SETD7: variants seen among roughly 807,000 people sequenced by gnomAD.
SETD7 encodes SET domain containing 7, histone lysine methyltransferase, also known as histone-lysine N-methyltransferase SETD7.
In SETD7, 16 loss-of-function variants were observed where a neutral mutation model predicts 41.8. That is an observed-to-expected ratio of 0.38 (90% CI 0.26 to 0.58). The LOEUF (loss-of-function observed/expected upper bound fraction) is 0.58. SETD7 is among the 20% of genes least tolerant of loss of function. The pLI is 0.64. For synonymous variants in SETD7, 163 were observed against 169.7 expected (o/e 0.96, Z 0.31); for missense variants, 346 against 459.7 (o/e 0.75, Z 2.26).
chr4:139,522,092 T>C (rs1727192162), intron 5 of SETD7, among the ~76,000 whole-genome samples: 1 of 152,244 alleles, frequency 6.6e-6, no homozygotes, highest in African/African-American at 2.4e-5. Flanking sequence ...GCTATGGTCT[T>C]GTGTTTCGGA....
Position 139,553,926 on chromosome 4 carries a change from A to G in SETD7, c.40+2172T>C, listed in dbSNP as rs1428904079. 2.0e-5 allele frequency among the ~76,000 whole-genome samples: 3 copies of G among 152,312 alleles called. No homozygotes were observed. In the East Asian group the frequency reaches 5.8e-4, roughly 29 times the overall value. ...TGTAAAGACTATTGCAAACAGCACT[A>G]AAAAGGCCAAGAATGGCTGGACAAG... is the stretch of plus-strand genomic sequence containing the variant. On this transcript the variant is annotated intron_variant, in intron 1 of 7. Coordinates refer to ENST00000274031, the MANE Select transcript of SETD7 (RefSeq NM_030648.4).
At chr4:139,498,875 C>G (rs1290727464) in intron 7 of SETD7, among the ~76,000 whole-genome samples, 1 of 152,200 alleles carries the variant, frequency 6.6e-6, no homozygotes, top group Non-Finnish European at 1.5e-5. Flanking sequence ...CTTTGGGAGG[C>G]CAAGGTGGGC....
intron 6 of SETD7, 145 bp downstream of exon 6, chr4:139,520,131 TA>T: frequency 1.9e-6 from 1 of 528,478 alleles, no homozygotes. Flanking sequence ...AGGCTTAAAA[TA>T]AAGAGGATGA....
downstream of SETD7, among the ~76,000 whole-genome samples, chr4:139,502,281 T>C (rs570649364): frequency 1.3e-5 from 2 of 152,172 alleles, no homozygotes; most frequent in African/African-American, 2.4e-5. Context: ...ATCAACATAA[T>C]ATAACTAAGT....
chr4:139,517,658 A>G (rs1727065468), intron 7 of SETD7, among the ~76,000 whole-genome samples: 1 of 152,186 alleles, frequency 6.6e-6, no homozygotes, highest in African/African-American at 2.4e-5. Flanking sequence ...TTTCCATACC[A>G]TTTCTCCTCT....
rs1001612162 is a variant in SETD7 at position 139,507,200 on chromosome 4, C to A, written c.*4463G>T. ...CAAGTCTGGCTTCTGATTCTGCTGC[C>A]CTGCAAAGAAATTGTGCTCCAGATA... On this transcript the variant is annotated 3_prime_UTR_variant, in exon 8 of 8. Coordinates refer to ENST00000274031, the MANE Select transcript of SETD7 (RefSeq NM_030648.4). 6.5e-6 allele frequency: 1 copy of A among 152,724 alleles called. No homozygotes were observed. The highest frequency in any genetic ancestry group is 2.4e-5 in the African/African-American group (1 of 41,444). The allele number at this position is 152,724 out of a possible 1,614,324, so 9.5% of individuals were successfully genotyped here.
At chr4:139,554,500 T>G (rs1469851216) in intron 1 of SETD7, among the ~76,000 whole-genome samples, 1 of 152,230 alleles carries the variant, frequency 6.6e-6, no homozygotes, top group Non-Finnish European at 1.5e-5. Flanking sequence ...TCATTTTTCC[T>G]TTATCTTTCA....
At chr4:139,544,618 G>A (rs1727884984) in intron 2 of SETD7, among the ~76,000 whole-genome samples, 1 of 152,162 alleles carries the variant, frequency 6.6e-6, no homozygotes, top group African/African-American at 2.4e-5. Flanking sequence ...GCATCTTGAA[G>A]CTAACAAGTA....
chr4:139,498,189 G>C (rs1327561437), intron 7 of SETD7, among the ~76,000 whole-genome samples: 1 of 152,100 alleles, frequency 6.6e-6, no homozygotes, highest in African/African-American at 2.4e-5. Context: ...TTGACATCTA[G>C]GGCCTTGTGG....
rs748769116 is a variant in SETD7, at chr4:139,547,077, C to A, written c.41-28G>T. 3 of 1,612,686 alleles carry A rather than the reference C, an allele frequency of 1.9e-6. No homozygotes were observed. In the East Asian group the frequency reaches 6.7e-5, roughly 36 times the overall value. The stretch of plus-strand genomic sequence containing the variant: ...GGAGAAAGGGAACCACAAGGCAAAC[C>A]TTAACATCTTCAGTGCTCCTCCCAT... On this transcript the variant is annotated intron_variant, in intron 1 of 7. Coordinates refer to ENST00000274031, the MANE Select transcript of SETD7 (RefSeq NM_030648.4).
intron 2 of SETD7, among the ~76,000 whole-genome samples, chr4:139,544,222 G>A (rs1033967917): frequency 2.0e-5 from 3 of 151,814 alleles, no homozygotes; most frequent in Non-Finnish European, 4.4e-5. Flanking sequence ...AGTCCAGGGA[G>A]GTTGAAGCTG....
At chr4:139,521,539 A>G (rs1727181163) in intron 5 of SETD7, among the ~76,000 whole-genome samples, 3 of 152,176 alleles carry the variant, frequency 2.0e-5, no homozygotes, top group Admixed American at 2.0e-4. Flanking sequence ...CATGGCTCTT[A>G]TGCTTATTCA....
At position 139,533,407 on chromosome 4, in the gene SETD7, G is replaced by C. The variant is rs762595147; in HGVS notation, c.171-41C>G. The C allele has an allele frequency of 1.8e-5, 28 of 1,532,070 alleles. No individual in the cohort carries two copies. The East Asian group carries it at 5.3e-4, about 29-fold the overall frequency. 94.9% of individuals were successfully genotyped at this position (1,532,070 alleles called of 1,614,324 possible). A position where few individuals can be genotyped will look rare whatever the true frequency, so the allele number is the denominator to read the frequency against. On this transcript the variant is annotated intron_variant, in intron 2 of 7. Transcript: ENST00000274031. Reference sequence around the variant, plus strand: ...AAACAAAAAGGAATAGTCAGACCATGACTTGACTCTCTTAGAAGAAAGGAT... The same window carrying C: ...AAACAAAAAGGAATAGTCAGACCATCACTTGACTCTCTTAGAAGAAAGGAT...
intron 7 of SETD7, among the ~76,000 whole-genome samples, chr4:139,514,140 CA>C (rs1726954581): frequency 1.3e-5 from 2 of 152,064 alleles, no homozygotes; most frequent in African/African-American, 4.8e-5. Flanking sequence ...AAAAATTAGC[CA>C]GGGGTGGTGG....
At chr4:139,524,310 C>T (rs763931149) in intron 4 of SETD7, among the ~76,000 whole-genome samples, 2 of 152,156 alleles carry the variant, frequency 1.3e-5, no homozygotes, top group East Asian at 1.9e-4. Flanking sequence ...AGTCAGTGTC[C>T]GCACAGAAAC....
At chr4:139,544,670 A>G (rs985442269) in intron 2 of SETD7, among the ~76,000 whole-genome samples, 2 of 152,216 alleles carry the variant, frequency 1.3e-5, no homozygotes, top group African/African-American at 4.8e-5. Flanking sequence ...AGTCTAGCCC[A>G]TCAGTACTCT....
chr4:139,551,912 T>C (rs1728119916), intron 1 of SETD7, among the ~76,000 whole-genome samples: 1 of 152,188 alleles, frequency 6.6e-6, no homozygotes, highest in African/African-American at 2.4e-5. Context: ...TTCTGTTTAA[T>C]GCAAAGAACA....
intron 2 of SETD7, among the ~76,000 whole-genome samples, chr4:139,537,230 C>T (rs1727663683): frequency 1.3e-5 from 2 of 152,210 alleles, no homozygotes. Context: ...CCACCTCGGC[C>T]TCCCAAAGTG....
chr4:139,509,959 C>T lies in SETD7; in HGVS notation c.*1704G>A. The T allele has an allele frequency of 1.1e-6, 1 of 903,470 alleles. No individual in the cohort carries two copies. The highest frequency in any genetic ancestry group is 1.3e-6 in the Non-Finnish European group (1 of 755,306). 56.0% of individuals were successfully genotyped at this position (903,470 alleles called of 1,614,324 possible). On this transcript the variant is annotated 3_prime_UTR_variant, in exon 8 of 8. Transcript: ENST00000274031. ...GCATGCAACCGGGTGCTCTAGGAAG[C>T]CTGGTGTTGCAAAGAAGGGAAGGGC...
Sources: allele counts gnomAD v4.1 joint callset (sites outside exome capture counted in the v4.1 genomes callset), GRCh38; gene constraint gnomAD v4.1.1; transcripts MANE v1.5; gene names NCBI Gene and HGNC (gene_info 2026-07-23, HGNC 2026-07-21).